Variants in SEMA6A observed in about 807,000 individuals in gnomAD.
SEMA6A encodes the protein semaphorin-6A.
SEMA6A carries 25 observed loss-of-function variants against 96.8 expected under a neutral mutation model. That is an observed-to-expected ratio of 0.26 (90% CI 0.19 to 0.36). The LOEUF is 0.36. Ranked by LOEUF, SEMA6A falls within the 10% of genes least tolerant of loss-of-function variation. SEMA6A has a pLI of 1.00. For synonymous variants in SEMA6A, 612 were observed against 518.0 expected (o/e 1.18, Z -2.46); for missense variants, 1,363 against 1,323.1 (o/e 1.03, Z -0.47).
In SEMA6A at chr5:116,478,860, G is replaced by C; in HGVS notation, c.1251-142C>G. The C allele has an allele frequency of 4.8e-6, 4 of 827,554 alleles. No homozygotes were observed. The South Asian group carries it at 7.9e-5, about 16-fold the overall frequency. 51.3% of individuals were successfully genotyped at this position (827,554 alleles called of 1,614,324 possible). ...TGCATATAAATAATGTTCTCAAGTG[G>C]TTCTGGCCCTTTATTTCCATTTGCA... is the stretch of plus-strand genomic sequence containing the variant. On this transcript the variant is annotated intron_variant, in intron 12 of 18. Coordinates refer to ENST00000343348, the MANE Select transcript of SEMA6A (RefSeq NM_020796.5).
chr5:116,499,943 T>C (rs1561499544), intron 3 of SEMA6A, among the ~76,000 whole-genome samples: 1 of 152,216 alleles, frequency 6.6e-6, no homozygotes, highest in Non-Finnish European at 1.5e-5. Context: ...TATACCATTT[T>C]TTCCCCCGGA....
intron 18 of SEMA6A, among the ~76,000 whole-genome samples, chr5:116,458,540 A>G (rs1755161499): frequency 1.3e-5 from 2 of 152,152 alleles, no homozygotes; most frequent in Non-Finnish European, 2.9e-5. Context: ...CTAAGGTTTA[A>G]GTTGGCGTTT....
At chr5:116,557,808 G>C (rs1561535775) in intron 1 of SEMA6A, among the ~76,000 whole-genome samples, 1 of 152,200 alleles carries the variant, frequency 6.6e-6, no homozygotes, top group Non-Finnish European at 1.5e-5. Flanking sequence ...AGCATTCTGT[G>C]TGTTTTGTCA....
In SEMA6A at chr5:116,491,810, G is replaced by T. The variant is rs34096390; in HGVS notation, c.465C>A (p.Phe155Leu). The change falls in exon 7 of 19, where the codon TTC becomes TTA. Residue 155 changes from phenylalanine to leucine, a missense_variant. This residue lies in a region of SEMA6A where 480 missense variants were observed against 559.5 expected (regional missense o/e 0.86). Transcript: ENST00000343348. ...RNYKMDTLEP[F>L]GDEFSGMARC... is the part of the protein sequence containing the mutation. ...TGGCCATTCCGCTGAATTCATCCCC[G>T]AATGGTTCCAATGTATCCATCTAAA... 4.3e-6 allele frequency: 7 copies of T among 1,612,882 alleles called. No individual in the cohort carries two copies. The Admixed American group carries it at 8.3e-5, about 19-fold the overall frequency.
chr5:116,547,637 A>G (rs945772426), intron 1 of SEMA6A, among the ~76,000 whole-genome samples: 3 of 150,094 alleles, frequency 2.0e-5, no homozygotes, highest in Admixed American at 1.3e-4. Context: ...TCATAACAGT[A>G]TTACTAACAA....
chr5:116,492,983 G>A (rs1212962231), intron 6 of SEMA6A, among the ~76,000 whole-genome samples: 1 of 152,156 alleles, frequency 6.6e-6, no homozygotes, highest in African/African-American at 2.4e-5. Flanking sequence ...ACTTTTCTGA[G>A]CAATGCCAAG....
intron 1 of SEMA6A, chr5:116,562,722 G>T (rs187732225): frequency 1.4e-5 from 10 of 732,756 alleles, no homozygotes; most frequent in Non-Finnish European, 2.6e-5. Flanking sequence ...ACCCTCTGCC[G>T]TGTGACTGGT....
chr5:116,525,761 TA>T (rs1318602799), intron 1 of SEMA6A, among the ~76,000 whole-genome samples: 7 of 152,344 alleles, frequency 4.6e-5, no homozygotes, highest in Admixed American at 3.9e-4. Flanking sequence ...TCATTGGTGG[TA>T]AGTCATTATC....
Position 116,445,650 on chromosome 5 carries a change from A to G in SEMA6A, c.*963T>C, listed in dbSNP as rs530105933. On this transcript the variant is annotated 3_prime_UTR_variant, in exon 19 of 19. Coordinates refer to ENST00000343348, the MANE Select transcript of SEMA6A (RefSeq NM_020796.5). ...TATAGGCCAGAGACCTGACCAGGCA[A>G]TGAACTGATAGATTTAAATAAATAT... 4.5e-4 allele frequency: 69 copies of G among 152,660 alleles called. No homozygotes were observed. Among genetic ancestry groups the G allele is most frequent in the African/African-American group, 1.6e-3 (68 of 41,596 alleles). The allele number at this position is 152,660 out of a possible 1,614,324, so 9.5% of individuals were successfully genotyped here.
chr5:116,494,174 A>G (rs1057028891), intron 6 of SEMA6A, among the ~76,000 whole-genome samples: 2 of 152,098 alleles, frequency 1.3e-5, no homozygotes, highest in Non-Finnish European at 2.9e-5. Flanking sequence ...TTTTCTGTTA[A>G]CACTTGTCAT....
chr5:116,497,353 G>C lies in SEMA6A; in HGVS notation c.253C>G (p.His85Asp), dbSNP rs747650676. 7.5e-6 allele frequency: 12 copies of C among 1,600,034 alleles called. No homozygotes were observed. In the South Asian group the frequency reaches 1.3e-4, roughly 18 times the overall value. ...HIYTVDIDTSHTEEIYCSKKL... is the reference protein window; with the variant it reads ...HIYTVDIDTSDTEEIYCSKKL... ...TTGCTACAATAAATTTCTTCCGTGT[G>C]TGATGTGTCTATATCAACAGTATAA... The change falls in exon 4 of 19, where the codon CAC (histidine) becomes GAC (aspartate). Residue 85 changes from histidine to aspartate, a missense_variant. By Grantham distance (81) the His-to-Asp change is moderately conservative. This residue lies in a region of SEMA6A where 480 missense variants were observed against 559.5 expected (regional missense o/e 0.86). Transcript: ENST00000343348.
chr5:116,516,195 A>G, intron 1 of SEMA6A, among the ~76,000 whole-genome samples: 1 of 152,194 alleles, frequency 6.6e-6, no homozygotes, highest in East Asian at 1.9e-4. Flanking sequence ...AAGAGGCATA[A>G]TATCATTTCA....
At position 116,488,858 on chromosome 5, in the gene SEMA6A, C is replaced by T. The variant is rs571571060; in HGVS notation, c.655+30G>A. 57 of 1,541,064 alleles carry T rather than the reference C, an allele frequency of 3.7e-5. No individual in the cohort carries two copies. Among genetic ancestry groups the T allele is most frequent in the South Asian group, 2.7e-4 (22 of 82,154 alleles). ...ACAAGATGTGTATTCCCCTCCCCTC[C>T]GACCCTCCTTCTTTTAATTGTTTGT... On this transcript the variant is annotated intron_variant, in intron 8 of 18. Coordinates refer to ENST00000343348, the MANE Select transcript of SEMA6A (RefSeq NM_020796.5).
intron 10 of SEMA6A, among the ~76,000 whole-genome samples, chr5:116,486,085 C>A (rs1326291831): frequency 6.6e-6 from 1 of 152,182 alleles, no homozygotes; most frequent in African/African-American, 2.4e-5. Flanking sequence ...TAAATTCTCA[C>A]TAGAGCCTTC....
chr5:116,467,914 TGTGGG>T, intron 17 of SEMA6A, 167 bp from the exon 18 acceptor site: 1 of 608,092 alleles, frequency 1.6e-6, no homozygotes, highest in Non-Finnish European at 2.8e-6. Context: ...GTGGTGGTGG[TGTGGG>T]GTGTGTTCAG....
chr5:116,533,603 C>T (rs1483735409), intron 1 of SEMA6A, among the ~76,000 whole-genome samples: 1 of 152,156 alleles, frequency 6.6e-6, no homozygotes, highest in African/African-American at 2.4e-5. Flanking sequence ...CAGTATGTAG[C>T]TGTTTGGAAG....
At chr5:116,461,053 A>T (rs1755365515) in intron 18 of SEMA6A, among the ~76,000 whole-genome samples, 1 of 152,190 alleles carries the variant, frequency 6.6e-6, no homozygotes, top group Non-Finnish European at 1.5e-5. Flanking sequence ...AGCACAATTT[A>T]TAAATAAAAT....
chr5:116,503,445 G>A (rs1456214550), intron 2 of SEMA6A, among the ~76,000 whole-genome samples: 1 of 151,846 alleles, frequency 6.6e-6, no homozygotes, highest in Non-Finnish European at 1.5e-5. Flanking sequence ...CAACTCAAAT[G>A]TCTCTACGAT....
At chr5:116,557,220 T>C (rs1007664892) in intron 1 of SEMA6A, among the ~76,000 whole-genome samples, 5 of 152,236 alleles carry the variant, frequency 3.3e-5, no homozygotes, top group African/African-American at 4.8e-5. Context: ...CCAATGGTGG[T>C]TGAAATACTT....
Sources: allele counts gnomAD v4.1 joint callset (sites outside exome capture counted in the v4.1 genomes callset), GRCh38; gene constraint gnomAD v4.1.1; regional missense constraint gnomAD v4.1.1; transcripts MANE v1.5; gene names NCBI Gene and HGNC (gene_info 2026-07-23, HGNC 2026-07-21).